The following ADAMTS17 variants were observed in gnomAD, a reference collection of about 807,000 sequenced individuals.
ADAMTS17 encodes A disintegrin and metalloproteinase with thrombospondin motifs 17.
In ADAMTS17, 113 loss-of-function variants were observed where a neutral mutation model predicts 141.5. That is an observed-to-expected ratio of 0.80 (90% confidence interval 0.69 to 0.93). The LOEUF (loss-of-function observed/expected upper bound fraction) is 0.93. Ranked by LOEUF, ADAMTS17 falls within the 40% of genes least tolerant of loss-of-function variation. The pLI is 0.00. For synonymous variants in ADAMTS17, 768 were observed against 630.6 expected, an observed-to-expected ratio of 1.22 and a Z score of -3.27; for missense variants, 1,659 against 1,517.9, an observed-to-expected ratio of 1.09 and a Z score of -1.54.
intron 20 of ADAMTS17, among the ~76,000 whole-genome samples, chr15:99,988,135 A>G (rs2060626292): frequency 6.6e-6 from 1 of 152,054 alleles, no homozygotes; most frequent in African/African-American, 2.4e-5. Flanking sequence ...AGCTCCAGAC[A>G]GTGGCTGATA....
rs1567331380 is a variant in ADAMTS17, at chr15:100,194,649, C to T, written c.1181+4669G>A. 2.0e-5 allele frequency among the ~76,000 whole-genome samples: 3 copies of T among 152,194 alleles called. No individual in the cohort carries two copies. In the South Asian group the frequency reaches 6.2e-4, roughly 32 times the overall value. On this transcript the variant is annotated intron_variant, in intron 8 of 21. Coordinates refer to ENST00000268070, the MANE Select transcript of ADAMTS17 (RefSeq NM_139057.4). ...CAGAGTTGAGCCTGAAAAGCAGGGG[C>T]CTATCTGAGAGAAACAAATGCTTAC...
chr15:100,189,699 G>A (rs1042307413), intron 8 of ADAMTS17, among the ~76,000 whole-genome samples: 87 of 152,210 alleles, frequency 5.7e-4, no homozygotes, highest in African/African-American at 1.7e-3. Flanking sequence ...GCTGCCTCAC[G>A]GCAGGCGTCC....
chr15:100,142,451 C>T (rs539830608), intron 10 of ADAMTS17, among the ~76,000 whole-genome samples: 60 of 152,294 alleles, frequency 3.9e-4, no homozygotes, highest in Admixed American at 1.2e-3. Context: ...CTCAGCTAAA[C>T]AGTGTTTCCT....
At chr15:100,314,577 C>T (rs2045503097) in intron 3 of ADAMTS17, among the ~76,000 whole-genome samples, 1 of 152,164 alleles carries the variant, frequency 6.6e-6, no homozygotes, top group Non-Finnish European at 1.5e-5. Context: ...AAGCTCTTTG[C>T]TACTACAGTA....
intron 18 of ADAMTS17, among the ~76,000 whole-genome samples, chr15:100,006,349 A>G (rs1438205157): frequency 6.6e-6 from 1 of 152,072 alleles, no homozygotes; most frequent in African/African-American, 2.4e-5. Flanking sequence ...ATTCTGAAAA[A>G]ACTCAGCTCC....
At chr15:100,234,976 G>T (rs1034854648) in intron 7 of ADAMTS17, among the ~76,000 whole-genome samples, 1 of 152,234 alleles carries the variant, frequency 6.6e-6, no homozygotes, top group Non-Finnish European at 1.5e-5. Flanking sequence ...GAAGAGGCAT[G>T]AATAAGCTGA....
chr15:100,324,004 C>CTTCCTTTCCTTTCT (rs2045817802), intron 3 of ADAMTS17, among the ~76,000 whole-genome samples: 1 of 148,088 alleles, frequency 6.8e-6, no homozygotes, highest in Admixed American at 6.9e-5. Context: ...TCAGTCACAT[C>CTTCCTTTCCTTTCT]CGTAAACGTT....
At chr15:100,288,096 A>G (rs1212820638) in intron 3 of ADAMTS17, among the ~76,000 whole-genome samples, 1 of 152,256 alleles carries the variant, frequency 6.6e-6, no homozygotes, top group African/African-American at 2.4e-5. Flanking sequence ...AAACAACTGT[A>G]TGCTGTCTTC....
chr15:100,271,087 T>C (rs1285912846), intron 4 of ADAMTS17, among the ~76,000 whole-genome samples: 2 of 152,136 alleles, frequency 1.3e-5, no homozygotes, highest in Non-Finnish European at 2.9e-5. Context: ...GTTTTCCTTT[T>C]TAAGGCTGAA....
At chr15:100,068,478 G>A (rs1168564822) in intron 15 of ADAMTS17, among the ~76,000 whole-genome samples, 1 of 152,236 alleles carries the variant, frequency 6.6e-6, no homozygotes, top group Non-Finnish European at 1.5e-5. Context: ...TGACCCCTGA[G>A]TAGCCTAATT....
intron 7 of ADAMTS17, among the ~76,000 whole-genome samples, chr15:100,224,899 A>G (rs557926788): frequency 6.6e-6 from 1 of 152,370 alleles, no homozygotes; most frequent in African/African-American, 2.4e-5. Context: ...GAAGCTTGTC[A>G]GGCAACTTCA....
In ADAMTS17 at chr15:100,341,915, C is replaced by T; in HGVS notation, c.-16G>A. 1.3e-6 allele frequency: 2 copies of T among 1,544,726 alleles called. No homozygotes were observed. Among genetic ancestry groups the T allele is most frequent in the Non-Finnish European group, 1.7e-6 (2 of 1,146,152 alleles). ...CGTCACACATGGTACCCGGGACCGGCAGCCCCCCCGGACCGTGGCGGCGAA... is the reference window on the plus strand; with the variant it reads ...CGTCACACATGGTACCCGGGACCGGTAGCCCCCCCGGACCGTGGCGGCGAA... On this transcript the variant is annotated 5_prime_UTR_variant, in exon 1 of 22. Coordinates refer to ENST00000268070, the MANE Select transcript of ADAMTS17 (RefSeq NM_139057.4).
intron 8 of ADAMTS17, among the ~76,000 whole-genome samples, chr15:100,187,011 C>T (rs79703711): frequency 0.036 from 5,508 of 152,214 alleles, 172 homozygotes; most frequent in East Asian, 0.17. Context: ...TGTGGTCTGC[C>T]ACTCCCATTT....
chr15:100,149,541 A>G (rs1371465410), intron 10 of ADAMTS17, among the ~76,000 whole-genome samples: 2 of 152,132 alleles, frequency 1.3e-5, no homozygotes, highest in Non-Finnish European at 2.9e-5. Context: ...CTCTGACCTA[A>G]GTCACCTTTA....
At chr15:100,294,281 C>G (rs2044735235) in intron 3 of ADAMTS17, among the ~76,000 whole-genome samples, 1 of 152,142 alleles carries the variant, frequency 6.6e-6, no homozygotes, top group Non-Finnish European at 1.5e-5. Context: ...ATGAACACTA[C>G]AGGTCTGAAT....
At chr15:100,044,960 A>C (rs2031565451) in intron 18 of ADAMTS17, among the ~76,000 whole-genome samples, 2 of 152,048 alleles carry the variant, frequency 1.3e-5, no homozygotes, top group South Asian at 4.1e-4. Flanking sequence ...GGTGCACGCC[A>C]CCATGCCTGG....
intron 13 of ADAMTS17, among the ~76,000 whole-genome samples, chr15:100,115,553 G>C (rs535896500): frequency 6.6e-6 from 1 of 152,156 alleles, no homozygotes; most frequent in Non-Finnish European, 1.5e-5. Context: ...GTTGCTCTAC[G>C]AGTCAGCTCA....
chr15:100,251,816 A>G (rs2043164599), intron 7 of ADAMTS17, among the ~76,000 whole-genome samples: 1 of 152,194 alleles, frequency 6.6e-6, no homozygotes, highest in African/African-American at 2.4e-5. Context: ...CGTCCTTTAT[A>G]AGGAGGAGAG....
chr15:100,164,689 C>T (rs557587295), intron 8 of ADAMTS17, among the ~76,000 whole-genome samples: 1 of 152,310 alleles, frequency 6.6e-6, no homozygotes, highest in African/African-American at 2.4e-5. Context: ...GGCAGGTGGA[C>T]TGGCGGGGAA....
Sources: allele counts gnomAD v4.1 joint callset (sites outside exome capture counted in the v4.1 genomes callset), GRCh38; gene constraint gnomAD v4.1.1; transcripts MANE v1.5; gene names NCBI Gene and HGNC (gene_info 2026-07-23, HGNC 2026-07-21).